POLR3G: variants seen among roughly 807,000 people sequenced by gnomAD.
POLR3G encodes RNA polymerase III subunit G, also known as DNA-directed RNA polymerase III subunit RPC7.
POLR3G carries 28 observed loss-of-function variants against 30.1 expected under a neutral mutation model. The ratio of observed to expected loss-of-function variants is 0.93; its 90% confidence interval spans 0.69 to 1.27. POLR3G has a LOEUF of 1.27. Ranked by LOEUF, POLR3G falls within the 50% of genes most tolerant of loss-of-function variation. The probability of loss-of-function intolerance (pLI) is 0.00; values close to 1 mark genes in which losing one functional copy is unlikely to be tolerated. For missense variants in POLR3G, 254 were observed against 264.6 expected, an observed-to-expected ratio of 0.96 and a Z score of 0.28; for synonymous variants, 79 against 82.5, an observed-to-expected ratio of 0.96 and a Z score of 0.23.
intron 1 of POLR3G, among the ~76,000 whole-genome samples, chr5:90,481,083 A>G (rs2963698): frequency 0.8 from 121,505 of 152,122 alleles, 49,022 homozygotes; most frequent in African/African-American, 0.91. Context: ...TCCAATTAAT[A>G]AAACAGAAAG....
chr5:90,491,850 G>T (rs1378482438), intron 3 of POLR3G, among the ~76,000 whole-genome samples: 1 of 152,074 alleles, frequency 6.6e-6, no homozygotes, highest in Non-Finnish European at 1.5e-5. Flanking sequence ...TGATGAAATT[G>T]ACTGTGCAAT....
chr5:90,504,642 T>A (rs1367696892), intron 6 of POLR3G, among the ~76,000 whole-genome samples: 2 of 152,196 alleles, frequency 1.3e-5, no homozygotes, highest in African/African-American at 4.8e-5. Context: ...TAGCATGTTT[T>A]TTAGATATAG....
At chr5:90,506,178 G>A (rs148791965) in intron 6 of POLR3G, among the ~76,000 whole-genome samples, 1,574 of 152,176 alleles carry the variant, frequency 0.01, 31 homozygotes, top group African/African-American at 0.037. Context: ...GCTGTGAGCC[G>A]AGATCGTGGC....
chr5:90,485,996 T>G (rs181293379), intron 2 of POLR3G, among the ~76,000 whole-genome samples: 81 of 152,312 alleles, frequency 5.3e-4, no homozygotes, highest in African/African-American at 1.9e-3. Context: ...TAAAAGTCAT[T>G]AGGTTTTATA....
rs140363087 is a variant in POLR3G, at chr5:90,507,263, A to T, written c.585+589A>T. On this transcript the variant is annotated intron_variant, in intron 7 of 7. Transcript: ENST00000651687. ...GACCACAGCCTCTTCGGGACTTTGTAGACACCTCAGACCGTAACCCTAGGT... is the reference window on the plus strand; with the variant it reads ...GACCACAGCCTCTTCGGGACTTTGTTGACACCTCAGACCGTAACCCTAGGT... 4.3e-3 allele frequency among the ~76,000 whole-genome samples: 651 copies of T among 152,304 alleles called. 4 individuals carry two copies. Among genetic ancestry groups the T allele is most frequent in the African/African-American group, 0.015 (608 of 41,558 alleles).
At chr5:90,490,637 G>A in intron 3 of POLR3G, 1 of 378,496 alleles carries the variant, frequency 2.6e-6, no homozygotes. Flanking sequence ...TCACATTCCT[G>A]GCTTCAAGTG....
upstream of POLR3G, chr5:90,474,439 G>A (rs553490382): frequency 3.5e-4 from 250 of 720,310 alleles, 1 homozygote; most frequent in African/African-American, 4.1e-3. Flanking sequence ...TGGGATGCGG[G>A]GGTCGGAATA....
chr5:90,487,319 C>A (rs540369833), intron 2 of POLR3G, among the ~76,000 whole-genome samples: 1 of 148,846 alleles, frequency 6.7e-6, no homozygotes, highest in African/African-American at 2.5e-5. Flanking sequence ...TTAATAAGAA[C>A]CTAAAGCAGC....
upstream of POLR3G, chr5:90,474,713 G>A: frequency 4.8e-6 from 1 of 207,226 alleles, no homozygotes; most frequent in Non-Finnish European, 9.7e-6. Context: ...CCACCCACTG[G>A]CTCTGCAGGG....
intron 3 of POLR3G, chr5:90,490,726 A>G: frequency 9.4e-6 from 3 of 319,314 alleles, no homozygotes; most frequent in South Asian, 2.5e-5. Flanking sequence ...GTTTCCTGAT[A>G]TAGTGTTTAA....
intron 3 of POLR3G, among the ~76,000 whole-genome samples, chr5:90,489,490 T>G (rs1751614640): frequency 1.3e-5 from 2 of 152,026 alleles, no homozygotes; most frequent in Non-Finnish European, 1.5e-5. Context: ...CTTGAACTCC[T>G]GACCTCAAGT....
intron 7 of POLR3G, among the ~76,000 whole-genome samples, 174 bp from the exon 8 acceptor site, chr5:90,511,878 AG>A (rs1752753221): frequency 6.6e-6 from 1 of 152,196 alleles, no homozygotes; most frequent in African/African-American, 2.4e-5. Flanking sequence ...TTAGCTAGTT[AG>A]TGCCTGACAA....
At chr5:90,474,664 G>A (rs145567337), upstream of POLR3G, 2,107 of 284,684 alleles carry the variant, frequency 7.4e-3, 50 homozygotes, top group African/African-American at 0.045. Context: ...GCGTGTGACA[G>A]CAGAGGCCCG....
At chr5:90,495,616 G>A in intron 3 of POLR3G, 61 bp from the exon 4 acceptor site, 1 of 1,568,148 alleles carries the variant, frequency 6.4e-7, no homozygotes, top group South Asian at 1.2e-5. Context: ...TTAAAGGAAT[G>A]GCTTAAGTTC....
At chr5:90,493,888 T>G (rs1475731909) in intron 3 of POLR3G, among the ~76,000 whole-genome samples, 1 of 151,600 alleles carries the variant, frequency 6.6e-6, no homozygotes, top group Non-Finnish European at 1.5e-5. Context: ...TTTTGTGTTT[T>G]TAGTATAGAT....
Position 90,512,386 on chromosome 5 carries a change from T to G in POLR3G, c.*247T>G, listed in dbSNP as rs1336386050. 2 of 361,668 alleles carry G rather than the reference T, an allele frequency of 5.5e-6. No homozygotes were observed. The highest frequency in any genetic ancestry group is 5.1e-5 in the South Asian group (1 of 19,596). 22.4% of individuals were successfully genotyped at this position (361,668 alleles called of 1,614,324 possible). A position where few individuals can be genotyped will look rare whatever the true frequency, so the allele number is the denominator to read the frequency against. On this transcript the variant is annotated 3_prime_UTR_variant, in exon 8 of 8. Coordinates refer to ENST00000651687, the MANE Select transcript of POLR3G (RefSeq NM_006467.3). ...TCTTATGTACTCTCATGGGTTTTTT[T>G]GTATGATTTGAATATGAATGTGCCT...
chr5:90,474,740 G>A (rs1169477639), upstream of POLR3G: 2 of 191,776 alleles, frequency 1.0e-5, no homozygotes, highest in African/African-American at 4.8e-5. Context: ...CTCCCAGCTG[G>A]CGCAGAAAGT....
intron 1 of POLR3G, among the ~76,000 whole-genome samples, chr5:90,478,725 C>T (rs1336612569): frequency 2.6e-5 from 4 of 151,328 alleles, no homozygotes; most frequent in Non-Finnish European, 4.4e-5. Context: ...TCCAGCTAAG[C>T]CTGTAGTCCC....
At chr5:90,481,049 A>C (rs1449116751) in intron 1 of POLR3G, among the ~76,000 whole-genome samples, 1 of 152,228 alleles carries the variant, frequency 6.6e-6, no homozygotes, top group Non-Finnish European at 1.5e-5. Context: ...ATAATAGATA[A>C]GAGAAATTGA....
Sources: allele counts gnomAD v4.1 joint callset (sites outside exome capture counted in the v4.1 genomes callset), GRCh38; gene constraint gnomAD v4.1.1; transcripts MANE v1.5; gene names NCBI Gene and HGNC (gene_info 2026-07-23, HGNC 2026-07-21).